Variants in COLEC12 observed in about 807,000 individuals in gnomAD.
COLEC12 encodes the protein collectin subfamily member 12.
In COLEC12, 33 loss-of-function variants were observed where a neutral mutation model predicts 71.1. The observed-to-expected ratio is 0.46, with a 90% CI of 0.35 to 0.62. The LOEUF (loss-of-function observed/expected upper bound fraction) is 0.62. Among genes scored for constraint, COLEC12 ranks in the 20% least tolerant of loss-of-function variants. The pLI, the probability that COLEC12 is intolerant of heterozygous loss-of-function variation, is 0.00. For synonymous variants in COLEC12, 350 were observed against 353.0 expected, an observed-to-expected ratio of 0.99 and a Z score of 0.10; for missense variants, 765 against 916.1, an observed-to-expected ratio of 0.84 and a Z score of 2.13.
chr18:441,272 T>TA (rs1029949775), intron 2 of COLEC12, among the ~76,000 whole-genome samples: 14 of 151,500 alleles, frequency 9.2e-5, no homozygotes, highest in South Asian at 2.1e-4. Context: ...TAAATAATAA[T>TA]AAAAAAATAA....
At chr18:377,926 C>T (rs1915148978) in intron 2 of COLEC12, among the ~76,000 whole-genome samples, 4 of 152,108 alleles carry the variant, frequency 2.6e-5, no homozygotes, top group Admixed American at 2.6e-4. Flanking sequence ...TAACTCCTTC[C>T]CCACTGAGAA....
chr18:323,438 A>G (rs1233147168), intron 8 of COLEC12, among the ~76,000 whole-genome samples: 1 of 152,238 alleles, frequency 6.6e-6, no homozygotes, highest in African/African-American at 2.4e-5. Context: ...GCAACATAGC[A>G]GTGCAGAGAA....
chr18:482,172 G>C (rs1054907447), intron 1 of COLEC12, among the ~76,000 whole-genome samples: 2 of 150,706 alleles, frequency 1.3e-5, no homozygotes, highest in African/African-American at 4.9e-5. Flanking sequence ...CTGAAGTGCA[G>C]TGGCGCGATC....
intron 3 of COLEC12, among the ~76,000 whole-genome samples, chr18:349,817 T>TGG (rs1696691461): frequency 1.3e-5 from 2 of 152,228 alleles, no homozygotes; most frequent in African/African-American, 4.8e-5. Flanking sequence ...ACTTTGAACT[T>TGG]GCATGGGGCC....
chr18:406,466 G>A (rs374359907), intron 2 of COLEC12, among the ~76,000 whole-genome samples: 14 of 124,962 alleles, frequency 1.1e-4, no homozygotes, highest in Non-Finnish European at 1.9e-4. Context: ...CCGAGATTGC[G>A]CCACTGCAGT....
intron 2 of COLEC12, among the ~76,000 whole-genome samples, chr18:425,190 A>G (rs1336611640): frequency 6.6e-6 from 1 of 152,176 alleles, no homozygotes; most frequent in African/African-American, 2.4e-5. Context: ...GTATGCAGAA[A>G]GCTCTTCAGT....
intron 2 of COLEC12, among the ~76,000 whole-genome samples, chr18:435,481 T>G (rs1916386360): frequency 6.6e-6 from 1 of 152,182 alleles, no homozygotes; most frequent in Admixed American, 6.5e-5. Flanking sequence ...ACCGCCCCCA[T>G]GATTCAATTA....
chr18:453,266 G>A (rs1916797676), intron 2 of COLEC12, among the ~76,000 whole-genome samples: 1 of 152,210 alleles, frequency 6.6e-6, no homozygotes, highest in Non-Finnish European at 1.5e-5. Context: ...AGGACAAGAG[G>A]CACTCCTGGC....
intron 2 of COLEC12, among the ~76,000 whole-genome samples, chr18:458,000 G>A (rs931070297): frequency 2.0e-5 from 3 of 152,150 alleles, no homozygotes; most frequent in African/African-American, 2.4e-5. Context: ...GATGTGGTTC[G>A]CCAGAAGCAC....
At chr18:333,455 GT>G in intron 6 of COLEC12, 1 of 217,006 alleles carries the variant, frequency 4.6e-6, no homozygotes, top group Non-Finnish European at 9.2e-6. Context: ...AGGCACAGAT[GT>G]TCAGCGTCAG....
intron 5 of COLEC12, among the ~76,000 whole-genome samples, chr18:340,446 AT>A (rs1314500749): frequency 6.6e-6 from 1 of 152,136 alleles, no homozygotes; most frequent in East Asian, 1.9e-4. Flanking sequence ...GAAAACCTGA[AT>A]TTTCTAAATA....
At position 500,062 on chromosome 18, in the gene COLEC12, C is replaced by A. The variant is rs955453975; in HGVS notation, c.7+446G>T. On this transcript the variant is annotated intron_variant, in intron 1 of 9. Coordinates refer to ENST00000400256, the MANE Select transcript of COLEC12 (RefSeq NM_130386.3). The surrounding 1 kb of genome is among the most constrained non-coding windows in gnomAD (Gnocchi z 5.3). ...CCCAGTCCCGGAGAAAACACCCGGC[C>A]GCCAGCGCGGGGACCGCTCGGGCCG... 2.6e-5 allele frequency among the ~76,000 whole-genome samples: 4 copies of A among 152,202 alleles called. No individual in the cohort carries two copies. The highest frequency in any genetic ancestry group is 2.0e-4 in the Admixed American group (3 of 15,290).
rs1368419142 is a variant in COLEC12 at position 399,062 on chromosome 18, A to C, written c.59-41540T>G. 6.6e-6 allele frequency among the ~76,000 whole-genome samples: 1 copy of C among 152,246 alleles called. No individual in the cohort carries two copies. Among genetic ancestry groups the C allele is most frequent in the African/African-American group, 2.4e-5 (1 of 41,460 alleles). The stretch of plus-strand genomic sequence containing the variant: ...GTAATACAACAGAGTAGGTCCAAAT[A>C]GTGCAAAGCATTTTGGGACCACCCA... On this transcript the variant is annotated intron_variant, in intron 2 of 9. Transcript: ENST00000400256. This position sits in a 1 kb window ranked among gnomAD's most constrained non-coding sequence, Gnocchi z 4.0.
chr18:439,948 C>T (rs1916481541), intron 2 of COLEC12, among the ~76,000 whole-genome samples: 1 of 151,686 alleles, frequency 6.6e-6, no homozygotes, highest in South Asian at 2.1e-4. Flanking sequence ...TCTAAATGTC[C>T]ATTGACACAT....
At chr18:445,662 T>A (rs1021024523) in intron 2 of COLEC12, among the ~76,000 whole-genome samples, 6 of 136,686 alleles carry the variant, frequency 4.4e-5, no homozygotes, top group African/African-American at 1.4e-4. Flanking sequence ...GACAAGGTTT[T>A]ACTCCTGTCA....
intron 9 of COLEC12, among the ~76,000 whole-genome samples, chr18:320,772 A>T (rs114437048): frequency 0.039 from 6,008 of 152,296 alleles, 146 homozygotes; most frequent in Middle Eastern, 0.082. Flanking sequence ...GTCCCCTATC[A>T]CAAACTTTTA....
At chr18:447,581 C>T (rs140155468) in intron 2 of COLEC12, among the ~76,000 whole-genome samples, 1 of 152,318 alleles carries the variant, frequency 6.6e-6, no homozygotes, top group Non-Finnish European at 1.5e-5. Flanking sequence ...AATCCATAAC[C>T]TGTGTGTGCT....
chr18:333,371 G>A, intron 6 of COLEC12: 1 of 428,498 alleles, frequency 2.3e-6, no homozygotes. Flanking sequence ...TCTTTGACTG[G>A]GTCTTTGTTC....
At position 495,232 on chromosome 18, in the gene COLEC12, T is replaced by C. The variant is rs1011731737; in HGVS notation, c.7+5276A>G. Among the ~76,000 whole-genome samples, 3 of 152,136 alleles carry C rather than the reference T, an allele frequency of 2.0e-5. No homozygotes were observed. In the East Asian group the frequency reaches 5.8e-4, roughly 29 times the overall value. On this transcript the variant is annotated intron_variant, in intron 1 of 9. Coordinates refer to ENST00000400256, the MANE Select transcript of COLEC12 (RefSeq NM_130386.3). ...ACTAAGAAGTTACTTCCCTTAAGGT[T>C]TGGATGGTTGGTGTGGTTAGAAACT...
Sources: allele counts gnomAD v4.1 joint callset (sites outside exome capture counted in the v4.1 genomes callset), GRCh38; gene constraint gnomAD v4.1.1; non-coding constraint Gnocchi (gnomAD v3.1); transcripts MANE v1.5; gene names NCBI Gene and HGNC (gene_info 2026-07-23, HGNC 2026-07-21).